ROBO1: variants seen among roughly 807,000 people sequenced by gnomAD.
ROBO1 encodes roundabout homolog 1.
A neutral mutation model predicts 195.9 loss-of-function variants in ROBO1; 149 were observed. That is an observed-to-expected ratio of 0.76 (90% CI 0.67 to 0.87). The LOEUF (loss-of-function observed/expected upper bound fraction) is 0.87, where lower values mean the gene tolerates loss of function less well. Among genes scored for constraint, ROBO1 ranks in the 40% least tolerant of loss-of-function variants. ROBO1 has a pLI of 0.00. For synonymous variants in ROBO1, 816 were observed against 733.2 expected (o/e 1.11, Z -1.82); for missense variants, 1,933 against 2,068.3 (o/e 0.93, Z 1.27).
chr3:79,115,746 T>C (rs1441495319), intron 3 of ROBO1, among the ~76,000 whole-genome samples: 1 of 152,190 alleles, frequency 6.6e-6, no homozygotes, highest in African/African-American at 2.4e-5. Flanking sequence ...CAAGTAAATT[T>C]TGTCCTTAGT....
At chr3:79,122,763 T>C (rs930431957) in intron 3 of ROBO1, among the ~76,000 whole-genome samples, 4 of 151,964 alleles carry the variant, frequency 2.6e-5, no homozygotes, top group African/African-American at 9.7e-5. Context: ...ATTAGGGGAA[T>C]GTAAATGGGA....
intron 2 of ROBO1, among the ~76,000 whole-genome samples, chr3:79,194,677 T>C (rs980524948): frequency 6.6e-6 from 1 of 151,704 alleles, no homozygotes; most frequent in Non-Finnish European, 1.5e-5. Flanking sequence ...TCACATTTAA[T>C]TATATCCTTC....
At position 79,363,309 on chromosome 3, in the gene ROBO1, G is replaced by A. The variant is rs1464722812; in HGVS notation, c.88+226515C>T. The stretch of plus-strand genomic sequence containing the variant: ...AAAACACTCTCTTCTCTCCAGTCAA[G>A]CACTTTGATCCTTTTGTATCTCTAA... On this transcript the variant is annotated intron_variant, in intron 2 of 30. Transcript: ENST00000464233. Among the ~76,000 whole-genome samples, 10 of 152,074 alleles carry A rather than the reference G, an allele frequency of 6.6e-5. No individual in the cohort carries two copies. In the South Asian group the frequency reaches 1.7e-3, roughly 25 times the overall value.
chr3:78,711,073 A>G (rs1210355986), intron 8 of ROBO1, among the ~76,000 whole-genome samples: 2 of 152,220 alleles, frequency 1.3e-5, no homozygotes, highest in South Asian at 4.1e-4. Context: ...TTTAAAGTAT[A>G]CAACATGACG....
At chr3:78,658,546 T>C (rs753646456) in intron 17 of ROBO1, among the ~76,000 whole-genome samples, 3 of 152,200 alleles carry the variant, frequency 2.0e-5, no homozygotes, top group Non-Finnish European at 4.4e-5. Flanking sequence ...CCTCTCAAAG[T>C]GCTGGGATTA....
At chr3:79,356,829 C>T (rs2035573269) in intron 2 of ROBO1, among the ~76,000 whole-genome samples, 1 of 152,124 alleles carries the variant, frequency 6.6e-6, no homozygotes. Flanking sequence ...GCAGGTTCAT[C>T]AGATCAACTA....
At chr3:79,645,548 CCCAAAGCAATT>C (rs1380312567) in intron 1 of ROBO1, among the ~76,000 whole-genome samples, 1 of 151,940 alleles carries the variant, frequency 6.6e-6, no homozygotes, top group Non-Finnish European at 1.5e-5. Flanking sequence ...GTCTATTCTA[CCCAAAGCAATT>C]TGCAGATCCA....
chr3:79,718,099 T>C (rs954073293), intron 1 of ROBO1, among the ~76,000 whole-genome samples: 2 of 151,962 alleles, frequency 1.3e-5, no homozygotes, highest in Admixed American at 1.3e-4. Context: ...AGATGGATAA[T>C]ATTAACAACA....
Position 78,781,565 on chromosome 3 carries a change from C to G in ROBO1, c.500-34665G>C, listed in dbSNP as rs143090615. ...AGTGGTTCTTATCCTTGACTGCACA[C>G]TGAAATCCCCTGGGGAGACAGAAAA... is the stretch of plus-strand genomic sequence containing the variant. On this transcript the variant is annotated intron_variant, in intron 4 of 30. Coordinates refer to ENST00000464233, the MANE Select transcript of ROBO1 (RefSeq NM_002941.4). Among the ~76,000 whole-genome samples the G allele has an allele frequency of 6.6e-5, 10 of 152,262 alleles. No individual in the cohort carries two copies. The East Asian group carries it at 1.9e-3, about 29-fold the overall frequency.
intron 2 of ROBO1, among the ~76,000 whole-genome samples, chr3:79,130,157 G>A (rs1350726229): frequency 9.4e-4 from 7 of 7,430 alleles, no homozygotes; most frequent in African/African-American, 3.5e-3. Context: ...TTGACTTGGC[G>A]ATGCGGGCTC....
At chr3:79,128,174 G>T (rs542340307) in intron 2 of ROBO1, among the ~76,000 whole-genome samples, 2 of 152,234 alleles carry the variant, frequency 1.3e-5, no homozygotes, top group East Asian at 1.9e-4. Context: ...AGAGACTATT[G>T]TGTGTTTACC....
At chr3:79,449,020 A>C (rs1011584401) in intron 2 of ROBO1, among the ~76,000 whole-genome samples, 1 of 152,156 alleles carries the variant, frequency 6.6e-6, no homozygotes, top group Non-Finnish European at 1.5e-5. Context: ...GCTTGAGACC[A>C]GAAGTTTGAG....
At chr3:79,322,691 C>G (rs1006958874) in intron 2 of ROBO1, among the ~76,000 whole-genome samples, 1 of 152,120 alleles carries the variant, frequency 6.6e-6, no homozygotes, top group Non-Finnish European at 1.5e-5. Context: ...GGTTAGTTTG[C>G]CTATCAGCTT....
chr3:78,877,813 G>A (rs2035943334), intron 4 of ROBO1, among the ~76,000 whole-genome samples: 1 of 152,126 alleles, frequency 6.6e-6, no homozygotes, highest in African/African-American at 2.4e-5. Context: ...TGCTATTGGA[G>A]CTGAGAAAAA....
intron 2 of ROBO1, among the ~76,000 whole-genome samples, chr3:79,263,661 T>C (rs1009418140): frequency 6.6e-6 from 1 of 151,698 alleles, no homozygotes; most frequent in Admixed American, 6.6e-5. Context: ...AAGAACAAAA[T>C]ACCAAAATAA....
At chr3:78,920,667 C>CTTTT (rs2038896098) in intron 4 of ROBO1, among the ~76,000 whole-genome samples, 1 of 68,494 alleles carries the variant, frequency 1.5e-5, no homozygotes, top group African/African-American at 5.9e-5. Context: ...GAAGGTTTTA[C>CTTTT]TCTGTTACCC....
chr3:78,853,462 GGT>G (rs60532634), intron 4 of ROBO1, among the ~76,000 whole-genome samples: 4 of 149,378 alleles, frequency 2.7e-5, no homozygotes, highest in South Asian at 4.2e-4. Flanking sequence ...GTATGTGTGG[GGT>G]GTGTGTGTGT....
intron 2 of ROBO1, among the ~76,000 whole-genome samples, chr3:79,305,487 C>CAAAAAA (rs755731665): frequency 3.1e-4 from 17 of 55,526 alleles, no homozygotes; most frequent in South Asian, 8.2e-4. Flanking sequence ...AACTCCATCT[C>CAAAAAA]AAAAAAAAAA....
chr3:78,842,169 C>T lies in ROBO1; in HGVS notation c.500-95269G>A, dbSNP rs2033258008. Among the ~76,000 whole-genome samples, 3 of 128,306 alleles carry T rather than the reference C, an allele frequency of 2.3e-5. 1 individual carries two copies. The South Asian group carries it at 7.3e-4, about 31-fold the overall frequency. 84.2% of individuals were successfully genotyped at this position (128,306 alleles called of 152,430 possible). On this transcript the variant is annotated intron_variant, in intron 4 of 30. Coordinates refer to ENST00000464233, the MANE Select transcript of ROBO1 (RefSeq NM_002941.4). ...TTTTTTTTTTTTGCGCACACACACA[C>T]GTACTATATATATATATTTATATGA...
Sources: allele counts gnomAD v4.1 joint callset (sites outside exome capture counted in the v4.1 genomes callset), GRCh38; gene constraint gnomAD v4.1.1; transcripts MANE v1.5; gene names NCBI Gene and HGNC (gene_info 2026-07-23, HGNC 2026-07-21).